SPATA16: variants seen among roughly 807,000 people sequenced by gnomAD.
SPATA16 encodes spermatogenesis associated 16, also known as spermatogenesis-associated protein 16.
In SPATA16, 36 loss-of-function variants were observed where a neutral mutation model predicts 63.3. That is an observed-to-expected ratio of 0.57 (90% CI 0.44 to 0.75). The LOEUF (loss-of-function observed/expected upper bound fraction) is 0.75, where lower values mean the gene tolerates loss of function less well. SPATA16 is among the 30% of genes least tolerant of loss of function. SPATA16 has a pLI of 0.00. For synonymous variants in SPATA16, 203 were observed against 216.7 expected (o/e 0.94, Z 0.56); for missense variants, 646 against 679.3 (o/e 0.95, Z 0.54).
At chr3:173,134,593 T>C (rs913427554) in intron 1 of SPATA16, among the ~76,000 whole-genome samples, 3 of 152,208 alleles carry the variant, frequency 2.0e-5, no homozygotes, top group Non-Finnish European at 4.4e-5. Context: ...CACGTGGTAA[T>C]GCAGCATGAG....
At chr3:172,972,291 G>A (rs1209560934) in intron 5 of SPATA16, among the ~76,000 whole-genome samples, 2 of 152,100 alleles carry the variant, frequency 1.3e-5, no homozygotes, top group Non-Finnish European at 2.9e-5. Context: ...CTTTCTACAC[G>A]GGCCTGTGTT....
At chr3:173,017,713 C>T (rs1237857543) in intron 4 of SPATA16, among the ~76,000 whole-genome samples, 2 of 152,198 alleles carry the variant, frequency 1.3e-5, no homozygotes, top group African/African-American at 4.8e-5. Context: ...TAGCTGAAAT[C>T]TAGTTCTGAA....
chr3:172,906,725 C>A (rs78436784), intron 10 of SPATA16, among the ~76,000 whole-genome samples: 14,775 of 152,034 alleles, frequency 0.097, 822 homozygotes, highest in African/African-American at 0.15. Context: ...CTAAACTTCT[C>A]TCTAATACAT....
intron 9 of SPATA16, among the ~76,000 whole-genome samples, chr3:172,914,523 G>C (rs1285710298): frequency 6.6e-6 from 1 of 152,090 alleles, no homozygotes; most frequent in Non-Finnish European, 1.5e-5. Context: ...GTGAAAGCAG[G>C]AGGAGAGATA....
At chr3:173,061,577 T>C (rs185961682) in intron 2 of SPATA16, among the ~76,000 whole-genome samples, 2 of 152,350 alleles carry the variant, frequency 1.3e-5, no homozygotes, top group East Asian at 3.9e-4. Context: ...TCTTTTCAGA[T>C]ATCAAACTAA....
intron 8 of SPATA16, among the ~76,000 whole-genome samples, chr3:172,919,042 T>C (rs1732562786): frequency 6.6e-6 from 1 of 152,226 alleles, no homozygotes; most frequent in Non-Finnish European, 1.5e-5. Flanking sequence ...TGTGCATATG[T>C]AAACATTTTT....
At chr3:172,978,644 A>C (rs892871243) in intron 4 of SPATA16, among the ~76,000 whole-genome samples, 1 of 152,182 alleles carries the variant, frequency 6.6e-6, no homozygotes, top group Non-Finnish European at 1.5e-5. Flanking sequence ...TTGGATTTAC[A>C]AATATGGTTC....
chr3:172,957,249 A>ACGG (rs1245367921), intron 5 of SPATA16, among the ~76,000 whole-genome samples: 2 of 152,150 alleles, frequency 1.3e-5, no homozygotes, highest in Non-Finnish European at 2.9e-5. Flanking sequence ...TGTAAATAAC[A>ACGG]CGGCAAACTA....
At chr3:172,931,041 C>T (rs1732859647) in intron 6 of SPATA16, among the ~76,000 whole-genome samples, 2 of 151,810 alleles carry the variant, frequency 1.3e-5, no homozygotes, top group Admixed American at 1.3e-4. Flanking sequence ...GCAGGCTGGT[C>T]TCGAACTCCT....
At chr3:173,137,102 C>G (rs1306611605) in intron 1 of SPATA16, among the ~76,000 whole-genome samples, 1 of 152,166 alleles carries the variant, frequency 6.6e-6, no homozygotes, top group Admixed American at 6.5e-5. Context: ...GTTCTGCTAT[C>G]AAAATAAATC....
At chr3:172,999,395 A>ATTTCTTTCTTTCTTTCTTTCTTTC (rs144082601) in intron 4 of SPATA16, among the ~76,000 whole-genome samples, 20 of 150,688 alleles carry the variant, frequency 1.3e-4, no homozygotes, top group South Asian at 4.2e-4. Context: ...CCCCTATTTC[A>ATTTCTTTCTTTCTTTCTTTCTTTC]TTTCTTTCTT....
At chr3:172,909,421 T>C (rs1233163987) in intron 10 of SPATA16, among the ~76,000 whole-genome samples, 1 of 152,156 alleles carries the variant, frequency 6.6e-6, no homozygotes, top group Non-Finnish European at 1.5e-5. Flanking sequence ...AGAGGATTGA[T>C]GGTTTCTACT....
intron 1 of SPATA16, among the ~76,000 whole-genome samples, chr3:173,125,215 A>G (rs560430012): frequency 6.6e-6 from 1 of 152,136 alleles, no homozygotes; most frequent in African/African-American, 2.4e-5. Flanking sequence ...TCTGTCAGTT[A>G]ATCCCTATCC....
intron 5 of SPATA16, among the ~76,000 whole-genome samples, chr3:172,961,310 A>T (rs1263564740): frequency 6.6e-6 from 1 of 152,074 alleles, no homozygotes; most frequent in Non-Finnish European, 1.5e-5. Flanking sequence ...TAGTAAATTG[A>T]TTTATTTAGA....
chr3:172,939,841 A>G (rs1162747524), intron 6 of SPATA16, among the ~76,000 whole-genome samples: 2 of 152,166 alleles, frequency 1.3e-5, no homozygotes. Flanking sequence ...GATGAGGGCA[A>G]TTTGCCAAAG....
At chr3:173,000,125 A>C (rs1380143810) in intron 4 of SPATA16, among the ~76,000 whole-genome samples, 1 of 152,194 alleles carries the variant, frequency 6.6e-6, no homozygotes, top group Non-Finnish European at 1.5e-5. Flanking sequence ...AATGGGAATA[A>C]TGTTTTTATA....
chr3:172,944,911 G>T (rs1733244602), intron 6 of SPATA16, among the ~76,000 whole-genome samples: 1 of 152,242 alleles, frequency 6.6e-6, no homozygotes, highest in Middle Eastern at 3.4e-3. Flanking sequence ...TGGTGGTAAT[G>T]GTTGCACAAT....
chr3:173,028,894 T>G (rs1033378585), intron 3 of SPATA16, among the ~76,000 whole-genome samples: 2 of 151,972 alleles, frequency 1.3e-5, no homozygotes, highest in African/African-American at 2.4e-5. Context: ...CTGGAAAACA[T>G]AGTGTGTGAA....
At chr3:173,106,440 C>T (rs757612410) in intron 2 of SPATA16, among the ~76,000 whole-genome samples, 5 of 152,150 alleles carry the variant, frequency 3.3e-5, no homozygotes, top group Admixed American at 1.3e-4. Flanking sequence ...AAATAAGGAG[C>T]TATGATTGTG....
Sources: gnomAD v4.1 joint callset for allele counts (sites outside exome capture counted in the v4.1 genomes callset) on GRCh38, gnomAD v4.1.1 for gene constraint, MANE v1.5 for transcripts, NCBI Gene and HGNC (gene_info 2026-07-23, HGNC 2026-07-21) for gene names.